THSD7B: variants seen among roughly 807,000 people sequenced by gnomAD.
THSD7B encodes the protein thrombospondin type-1 domain-containing protein 7B.
A neutral mutation model predicts 213.6 loss-of-function variants in THSD7B; 138 were observed. The ratio of observed to expected loss-of-function variants is 0.65; its 90% CI spans 0.56 to 0.74. THSD7B has a LOEUF of 0.74. Among genes scored for constraint, THSD7B ranks in the 30% least tolerant of loss-of-function variants. The pLI is 0.00. For missense variants in THSD7B, 1,931 were observed against 1,991.5 expected (o/e 0.97, Z 0.58); for synonymous variants, 742 against 687.0 (o/e 1.08, Z -1.25).
chr2:137,043,677 A>G (rs1686921152), intron 2 of THSD7B, among the ~76,000 whole-genome samples: 1 of 152,152 alleles, frequency 6.6e-6, no homozygotes, highest in Admixed American at 6.5e-5. Context: ...AAGCTTGCAC[A>G]CAAACCCCAG....
At chr2:136,792,617 G>A (rs1314193051) in intron 1 of THSD7B, among the ~76,000 whole-genome samples, 3 of 151,950 alleles carry the variant, frequency 2.0e-5, no homozygotes, top group Non-Finnish European at 4.4e-5. Context: ...GAGACAGGGA[G>A]AGATGTGAGC....
chr2:137,597,034 A>C (rs1681974357), intron 17 of THSD7B, among the ~76,000 whole-genome samples: 1 of 152,134 alleles, frequency 6.6e-6, no homozygotes, highest in Non-Finnish European at 1.5e-5. Context: ...CAGAAAGAAC[A>C]TTTTGAAACT....
Position 137,051,327 on chromosome 2 carries a change from T to TAATG in THSD7B, c.140-5084_140-5081dup, listed in dbSNP as rs547527992. 4.6e-3 allele frequency among the ~76,000 whole-genome samples: 706 copies of TAATG among 152,324 alleles called. 8 individuals are homozygous for TAATG. Among genetic ancestry groups the TAATG allele is most frequent in the African/African-American group, 0.016 (684 of 41,568 alleles). ...AACAGAGAATGAATAATTGTTGTTATAATGAATGAATGTTCAGATGTCACT... is the reference window on the plus strand; with the variant it reads ...AACAGAGAATGAATAATTGTTGTTATAATGAATGAATGAATGTTCAGATGTCACT... On this transcript the variant is annotated intron_variant, in intron 2 of 27. Coordinates refer to ENST00000409968, the MANE Select transcript of THSD7B (RefSeq NM_001316349.2).
chr2:137,472,255 AG>A (rs1402211368), intron 15 of THSD7B, among the ~76,000 whole-genome samples: 1 of 152,216 alleles, frequency 6.6e-6, no homozygotes, highest in Non-Finnish European at 1.5e-5. Context: ...TCATCTAAAA[AG>A]CCTTTTAAGA....
At chr2:137,648,672 G>A (rs1346402466) in intron 21 of THSD7B, among the ~76,000 whole-genome samples, 1 of 152,088 alleles carries the variant, frequency 6.6e-6, no homozygotes, top group African/African-American at 2.4e-5. Context: ...ATTGTGAATT[G>A]TGCTGCAATA....
chr2:137,576,500 A>G (rs1268668033), intron 17 of THSD7B, among the ~76,000 whole-genome samples: 1 of 152,156 alleles, frequency 6.6e-6, no homozygotes, highest in Non-Finnish European at 1.5e-5. Context: ...TATCACCAGA[A>G]CAATCTGTGA....
chr2:137,118,960 A>T (rs937459290), intron 5 of THSD7B, among the ~76,000 whole-genome samples: 4 of 152,154 alleles, frequency 2.6e-5, no homozygotes, highest in Admixed American at 1.3e-4. Context: ...AGATCTCATG[A>T]GACTTATTCA....
At chr2:136,948,174 A>C (rs937464165) in intron 2 of THSD7B, among the ~76,000 whole-genome samples, 1 of 152,138 alleles carries the variant, frequency 6.6e-6, no homozygotes, top group Non-Finnish European at 1.5e-5. Flanking sequence ...GACTGAATGC[A>C]TGAAAACCAT....
chr2:137,311,291 A>G (rs1683900018), intron 12 of THSD7B, among the ~76,000 whole-genome samples: 1 of 151,440 alleles, frequency 6.6e-6, no homozygotes, highest in African/African-American at 2.4e-5. Flanking sequence ...TTCACTCATG[A>G]TTTGGCTCTC....
intron 26 of THSD7B, among the ~76,000 whole-genome samples, chr2:137,666,537 T>TCCC (rs66990282): frequency 0.02 from 2,882 of 145,646 alleles, 42 homozygotes; most frequent in South Asian, 0.044. Flanking sequence ...TTGATTGATT[T>TCCC]CCCCCCCCCA....
chr2:136,843,864 G>A (rs1382157651), intron 1 of THSD7B, among the ~76,000 whole-genome samples: 1 of 152,088 alleles, frequency 6.6e-6, no homozygotes, highest in African/African-American at 2.4e-5. Flanking sequence ...TGTTCTCCTA[G>A]GAACACAGAA....
chr2:137,131,452 C>A (rs1481395973), intron 5 of THSD7B, among the ~76,000 whole-genome samples: 2 of 152,124 alleles, frequency 1.3e-5, no homozygotes, highest in Admixed American at 1.3e-4. Flanking sequence ...GAAGTCCTTG[C>A]CCATGCCTAT....
chr2:136,777,951 A>T (rs1681645059), intron 1 of THSD7B, among the ~76,000 whole-genome samples: 2 of 152,200 alleles, frequency 1.3e-5, no homozygotes, highest in African/African-American at 4.8e-5. Context: ...AAAAGTTGAA[A>T]GTGGCAGAGT....
intron 7 of THSD7B, among the ~76,000 whole-genome samples, chr2:137,216,738 G>A (rs1034294216): frequency 2.6e-5 from 4 of 152,160 alleles, no homozygotes; most frequent in African/African-American, 9.6e-5. Context: ...GAAAGAAAAT[G>A]TGGTTTCCTG....
At chr2:136,865,422 G>T (rs1227900329) in intron 1 of THSD7B, among the ~76,000 whole-genome samples, 1 of 152,196 alleles carries the variant, frequency 6.6e-6, no homozygotes, top group African/African-American at 2.4e-5. Flanking sequence ...CTAATATTTG[G>T]ACTGGGCTGC....
intron 2 of THSD7B, among the ~76,000 whole-genome samples, chr2:136,923,649 C>T (rs1684473514): frequency 6.6e-6 from 1 of 152,054 alleles, no homozygotes; most frequent in Non-Finnish European, 1.5e-5. Flanking sequence ...AAAAGTTATT[C>T]TAATGGGGGC....
chr2:136,951,478 C>T (rs1685037514), intron 2 of THSD7B, among the ~76,000 whole-genome samples: 1 of 152,036 alleles, frequency 6.6e-6, no homozygotes, highest in Non-Finnish European at 1.5e-5. Flanking sequence ...TATTCCTGGC[C>T]CATAGGTCTG....
At chr2:137,046,075 T>C (rs1222473115) in intron 2 of THSD7B, among the ~76,000 whole-genome samples, 1 of 152,100 alleles carries the variant, frequency 6.6e-6, no homozygotes, top group Non-Finnish European at 1.5e-5. Context: ...AGTGTTGACA[T>C]TGCACCTAAC....
chr2:136,925,648 C>T (rs541040797), intron 2 of THSD7B, among the ~76,000 whole-genome samples: 6 of 152,110 alleles, frequency 3.9e-5, no homozygotes, highest in African/African-American at 1.4e-4. Flanking sequence ...CTTGCTGTGC[C>T]TTCGTGTGAT....
Sources: allele counts gnomAD v4.1 joint callset (sites outside exome capture counted in the v4.1 genomes callset), GRCh38; gene constraint gnomAD v4.1.1; transcripts MANE v1.5; gene names NCBI Gene and HGNC (gene_info 2026-07-23, HGNC 2026-07-21).